The following EDA variants were observed in gnomAD, a reference collection of about 807,000 sequenced individuals.
The protein encoded by EDA is ectodysplasin A.
A neutral mutation model predicts 23.6 loss-of-function variants in EDA; 2 were observed. The ratio of observed to expected loss-of-function variants is 0.08; its 90% CI spans 0.03 to 0.27. The LOEUF (loss-of-function observed/expected upper bound fraction) is 0.27. Among genes scored for constraint, EDA ranks in the 10% least tolerant of loss-of-function variants. EDA has a pLI of 1.00. For missense variants in EDA, 229 were observed against 324.2 expected, an observed-to-expected ratio of 0.71 and a Z score of 2.26; for synonymous variants, 131 against 132.0, an observed-to-expected ratio of 0.99 and a Z score of 0.05.
At chrX:69,627,072 C>T (rs954759240) in intron 1 of EDA, among the ~76,000 whole-genome samples, 16 of 111,081 alleles carry the variant, frequency 1.4e-4, no homozygotes, top group Non-Finnish European at 1.9e-4. Flanking sequence ...GGAGTCTAGT[C>T]GTATATAATT....
chrX:69,733,628 A>G (rs2013133451), intron 1 of EDA, among the ~76,000 whole-genome samples: 1 of 111,523 alleles, frequency 9.0e-6, no homozygotes, highest in South Asian at 3.8e-4. Flanking sequence ...GTTTTTTCCA[A>G]TTCTGTGAAG....
intron 1 of EDA, among the ~76,000 whole-genome samples, chrX:69,864,413 A>G (rs1463529060): frequency 9.0e-6 from 1 of 111,641 alleles, no homozygotes; most frequent in East Asian, 2.8e-4. Flanking sequence ...GGACAGGGAG[A>G]ACACCACATC....
At chrX:69,728,031 G>A (rs147908556) in intron 1 of EDA, among the ~76,000 whole-genome samples, 1,520 of 110,565 alleles carry the variant, frequency 0.014, 20 homozygotes, top group African/African-American at 0.045. Context: ...GATCACTTGA[G>A]GTCAGGAGTT....
intron 1 of EDA, among the ~76,000 whole-genome samples, chrX:69,826,826 A>G (rs761271153): frequency 8.8e-4 from 87 of 98,838 alleles, no homozygotes; most frequent in African/African-American, 1.1e-3. Context: ...ATGATTTTGC[A>G]GTGGCTGGAA....
intron 1 of EDA, among the ~76,000 whole-genome samples, chrX:69,920,150 T>G (rs2147663866): frequency 9.0e-6 from 1 of 111,031 alleles, no homozygotes. Context: ...ATGTTAAATT[T>G]TATACTTCCT....
chrX:69,783,097 A>G (rs2015005556), intron 1 of EDA, among the ~76,000 whole-genome samples: 1 of 111,805 alleles, frequency 8.9e-6, no homozygotes, highest in Admixed American at 9.5e-5. Context: ...TAACATCAGT[A>G]TATAACTTCC....
intron 1 of EDA, among the ~76,000 whole-genome samples, chrX:69,722,441 C>T (rs899567555): frequency 9.0e-6 from 1 of 110,579 alleles, no homozygotes; most frequent in Non-Finnish European, 1.9e-5. Flanking sequence ...CTCCTGACCT[C>T]GTGATCTGCC....
chrX:70,018,237 C>T (rs955432594), intron 2 of EDA, among the ~76,000 whole-genome samples: 4 of 111,867 alleles, frequency 3.6e-5, no homozygotes, highest in Non-Finnish European at 5.6e-5. Flanking sequence ...CATGTTTATG[C>T]GTCAGAAGAA....
chrX:69,623,668 CT>C (rs754360005), intron 1 of EDA, among the ~76,000 whole-genome samples: 10,817 of 96,325 alleles, frequency 0.11, 597 homozygotes, highest in Non-Finnish European at 0.17. Flanking sequence ...TCTTTTTTTT[CT>C]TTTTTTTTTT....
intron 1 of EDA, among the ~76,000 whole-genome samples, chrX:69,753,922 T>C (rs113126442): frequency 0.017 from 1,893 of 110,653 alleles, 49 homozygotes; most frequent in African/African-American, 0.059. Flanking sequence ...TCCATTTGCT[T>C]GGTATATCTT....
At chrX:69,726,042 G>A (rs182750774) in intron 1 of EDA, among the ~76,000 whole-genome samples, 125 of 112,026 alleles carry the variant, frequency 1.1e-3, no homozygotes, top group Middle Eastern at 9.2e-3. Flanking sequence ...TCACAGGGCT[G>A]TAGAGATAAA....
chrX:69,631,362 A>G (rs1456150174), intron 1 of EDA, among the ~76,000 whole-genome samples: 1 of 101,383 alleles, frequency 9.9e-6, no homozygotes, highest in African/African-American at 3.6e-5. Context: ...AGCCTGGGTG[A>G]CAGAGCGAGA....
chrX:69,697,171 G>A (rs893818460), intron 1 of EDA, among the ~76,000 whole-genome samples: 2 of 111,715 alleles, frequency 1.8e-5, no homozygotes, highest in Non-Finnish European at 3.8e-5. Context: ...CACCAAATGA[G>A]GACAGGGCAG....
intron 1 of EDA, among the ~76,000 whole-genome samples, chrX:69,766,299 A>G (rs1380317941): frequency 4.6e-5 from 5 of 109,817 alleles, no homozygotes; most frequent in Admixed American, 2.0e-4. Context: ...TTTAACTTCT[A>G]TTTTAGGTTC....
At chrX:69,675,393 C>T (rs961695346) in intron 1 of EDA, among the ~76,000 whole-genome samples, 1 of 111,643 alleles carries the variant, frequency 9.0e-6, no homozygotes, top group African/African-American at 3.3e-5. Context: ...ATATTGTATA[C>T]TCATCGTGTC....
chrX:69,760,450 A>G (rs891431170), intron 1 of EDA, among the ~76,000 whole-genome samples: 3 of 111,684 alleles, frequency 2.7e-5, no homozygotes, highest in African/African-American at 6.5e-5. Flanking sequence ...TTACAGTTGA[A>G]CTAATACTTC....
At chrX:69,950,405 C>G (rs1417788380) in intron 1 of EDA, among the ~76,000 whole-genome samples, 2 of 103,429 alleles carry the variant, frequency 1.9e-5, no homozygotes, top group Non-Finnish European at 4.0e-5. Flanking sequence ...CATCTCACAC[C>G]AGTTAGAATG....
intron 1 of EDA, among the ~76,000 whole-genome samples, chrX:69,753,485 C>T (rs2013974975): frequency 9.0e-6 from 1 of 111,630 alleles, no homozygotes; most frequent in African/African-American, 3.3e-5. Context: ...CTGAGGAGTG[C>T]TTTACTTCCC....
At chrX:69,750,874 G>C (rs1251990004) in intron 1 of EDA, among the ~76,000 whole-genome samples, 5 of 111,467 alleles carry the variant, frequency 4.5e-5, no homozygotes, top group Admixed American at 9.5e-5. Flanking sequence ...GGGGTTGTTT[G>C]ATTTTTTTCT....
Sources: allele counts gnomAD v4.1 joint callset (sites outside exome capture counted in the v4.1 genomes callset), GRCh38; gene constraint gnomAD v4.1.1; transcripts MANE v1.5; gene names NCBI Gene and HGNC (gene_info 2026-07-23, HGNC 2026-07-21).